The following APPL2 variants were observed in gnomAD, a reference collection of about 807,000 sequenced individuals.
APPL2 encodes DCC-interacting protein 13-beta.
Under a neutral mutation model 92.7 loss-of-function variants are expected in APPL2, and 84 were observed. The ratio of observed to expected loss-of-function variants is 0.91; its 90% CI spans 0.76 to 1.09. The LOEUF (loss-of-function observed/expected upper bound fraction) is 1.09. Ranked by LOEUF, APPL2 falls within the 50% of genes least tolerant of loss-of-function variation. The pLI is 0.00. For missense variants in APPL2, 736 were observed against 824.5 expected (o/e 0.89, Z 1.31); for synonymous variants, 291 against 291.0 (o/e 1.00, Z 0.00).
intron 10 of APPL2, among the ~76,000 whole-genome samples, chr12:105,199,143 A>G (rs1156571171): frequency 6.6e-6 from 1 of 152,164 alleles, no homozygotes; most frequent in Admixed American, 6.5e-5. Flanking sequence ...CAGAGTCCAC[A>G]GCACCAGGCT....
Position 105,174,183 on chromosome 12 carries a change from T to C in APPL2, c.*131A>G. On this transcript the variant is annotated 3_prime_UTR_variant, in exon 21 of 21. Transcript: ENST00000258530. The stretch of plus-strand genomic sequence containing the variant: ...CCTCCCAAGTCTCAGTATCAAGGCA[T>C]CAAGATTACATTCCACAAACGATTG... The C allele has an allele frequency of 3.5e-6, 4 of 1,157,440 alleles. No individual in the cohort carries two copies. The highest frequency in any genetic ancestry group is 4.8e-6 in the Non-Finnish European group (4 of 838,790). 71.7% of individuals were successfully genotyped at this position (1,157,440 alleles called of 1,614,324 possible). A position where few individuals can be genotyped will look rare whatever the true frequency, so the allele number is the denominator to read the frequency against.
At chr12:105,177,550 C>A (rs1368920807) in intron 17 of APPL2, 3 of 442,920 alleles carry the variant, frequency 6.8e-6, no homozygotes, top group Non-Finnish European at 4.1e-6. Flanking sequence ...TAATCCTCAA[C>A]AGATCTGCTA....
intron 20 of APPL2, among the ~76,000 whole-genome samples, chr12:105,175,186 CTT>C (rs1885404756): frequency 6.6e-6 from 1 of 152,148 alleles, no homozygotes; most frequent in African/African-American, 2.4e-5. Flanking sequence ...GCCTGGCCTG[CTT>C]TTGTCTTATG....
At position 105,186,667 on chromosome 12, in the gene APPL2, T is replaced by TATATATATCGATATCATTATATC. The variant is rs1566056379; in HGVS notation, c.1634+1605_1634+1606insGATATAATGATATCGATATATAT. Reference sequence around the variant, plus strand: ...TATGATATCGATATCATATATATCATATATATGATATATCATATATATATC... The same window carrying TATATATATCGATATCATTATATC: ...TATGATATCGATATCATATATATCATATATATATCGATATCATTATATCATATATGATATATCATATATATATC... On this transcript the variant is annotated intron_variant, in intron 17 of 20. Coordinates refer to ENST00000258530, the MANE Select transcript of APPL2 (RefSeq NM_018171.5). Among the ~76,000 whole-genome samples the TATATATATCGATATCATTATATC allele has an allele frequency of 3.0e-4, 10 of 33,148 alleles. 1 individual carries two copies. The highest frequency in any genetic ancestry group is 8.6e-4 in the Admixed American group (2 of 2,332). 21.7% of individuals were successfully genotyped at this position (33,148 alleles called of 152,430 possible).
chr12:105,228,329 C>T (rs1890676330), intron 2 of APPL2, among the ~76,000 whole-genome samples: 2 of 152,134 alleles, frequency 1.3e-5, no homozygotes, highest in African/African-American at 2.4e-5. Flanking sequence ...GTTTATGTGT[C>T]GTGTCAGCAC....
Position 105,235,876 on chromosome 12 carries a change from G to T in APPL2, c.54+83C>A, listed in dbSNP as rs867291691. 8.7e-6 allele frequency: 10 copies of T among 1,144,710 alleles called. No homozygotes were observed. In the African/African-American group the frequency reaches 1.6e-4, roughly 18 times the overall value. The allele number at this position is 1,144,710 out of a possible 1,614,324, so 70.9% of individuals were successfully genotyped here. A position where few individuals can be genotyped will look rare whatever the true frequency, so the allele number is the denominator to read the frequency against. On this transcript the variant is annotated intron_variant, in intron 1 of 20. Transcript: ENST00000258530. ...CGCACTCCCGCGGCTGCCCGGCCGGGGGCGCGGCCTCCACTCCGGGGCTGG... is the reference window on the plus strand; with the variant it reads ...CGCACTCCCGCGGCTGCCCGGCCGGTGGCGCGGCCTCCACTCCGGGGCTGG...
chr12:105,232,913 AGGCCTGATTTGGTTGGAGAG>A (rs1306113648), intron 1 of APPL2, among the ~76,000 whole-genome samples: 23 of 152,242 alleles, frequency 1.5e-4, no homozygotes, highest in Non-Finnish European at 1.5e-5. Context: ...GAGGAAAGAA[AGGCCTGATTTGGTTGGAGAG>A]GGCTGCTCCC....
At chr12:105,205,101 A>G (rs954711170) in intron 8 of APPL2, among the ~76,000 whole-genome samples, 1 of 152,206 alleles carries the variant, frequency 6.6e-6, no homozygotes. Context: ...TGCTATGTTC[A>G]TGGAAAAATC....
intron 17 of APPL2, among the ~76,000 whole-genome samples, chr12:105,187,179 A>C (rs1886810390): frequency 6.6e-6 from 1 of 152,226 alleles, no homozygotes; most frequent in South Asian, 2.1e-4. Context: ...TAGTGAAAGA[A>C]CAGGTTTTAT....
At chr12:105,189,891 T>C in intron 15 of APPL2, 67 bp from the exon 16 acceptor site, 1 of 1,611,488 alleles carries the variant, frequency 6.2e-7, no homozygotes, top group Non-Finnish European at 8.5e-7. Context: ...ACACTTGAAC[T>C]GGAAATCAGA....
At chr12:105,206,101 C>A (rs139814457) in intron 8 of APPL2, among the ~76,000 whole-genome samples, 46 of 152,310 alleles carry the variant, frequency 3.0e-4, no homozygotes, top group African/African-American at 9.9e-4. Context: ...ACTGTTCTGG[C>A]AGTGAGCTGC....
At chr12:105,177,202 CAT>C in intron 18 of APPL2, 22 bp downstream of exon 18, 1 of 1,613,244 alleles carries the variant, frequency 6.2e-7, no homozygotes, top group Non-Finnish European at 8.5e-7. Flanking sequence ...TAATCACTAA[CAT>C]GAACCTGTAT....
chr12:105,232,125 C>G (rs1890968522), intron 1 of APPL2, among the ~76,000 whole-genome samples: 1 of 152,194 alleles, frequency 6.6e-6, no homozygotes, highest in African/African-American at 2.4e-5. Context: ...TTCCTAACAA[C>G]TCAACTAAAT....
intron 1 of APPL2, among the ~76,000 whole-genome samples, chr12:105,234,212 T>C (rs1029947547): frequency 5.3e-5 from 8 of 152,244 alleles, no homozygotes; most frequent in African/African-American, 1.9e-4. Flanking sequence ...CTCTGCCACA[T>C]ACAAGTTCAA....
At chr12:105,221,112 A>G (rs940507742) in intron 2 of APPL2, among the ~76,000 whole-genome samples, 3 of 152,246 alleles carry the variant, frequency 2.0e-5, no homozygotes, top group African/African-American at 4.8e-5. Context: ...GCTACTGTAC[A>G]CAAAGGTTGT....
At chr12:105,177,412 G>T in intron 17 of APPL2, 150 bp from the exon 18 acceptor site, 1 of 753,016 alleles carries the variant, frequency 1.3e-6, no homozygotes, top group Non-Finnish European at 2.2e-6. Flanking sequence ...GTGTGACCAC[G>T]TGTCCTGCTT....
At chr12:105,188,142 G>C in intron 17 of APPL2, 131 bp downstream of exon 17, 1 of 1,014,854 alleles carries the variant, frequency 9.9e-7, no homozygotes, top group East Asian at 2.6e-5. Context: ...TCTATCTTAT[G>C]TAAAAAGTAG....
chr12:105,200,864 G>GTATGTATCTATC (rs757298388), intron 9 of APPL2, among the ~76,000 whole-genome samples: 441 of 135,036 alleles, frequency 3.3e-3, no homozygotes, highest in African/African-American at 3.9e-3. Context: ...ATGTATGTAT[G>GTATGTATCTATC]TATCTATCTA....
chr12:105,203,243 A>G (rs1888382815), intron 9 of APPL2, among the ~76,000 whole-genome samples: 1 of 152,220 alleles, frequency 6.6e-6, no homozygotes, highest in Admixed American at 6.5e-5. Flanking sequence ...CAGTTACTCA[A>G]CTACTGAAGA....
Sources: allele counts gnomAD v4.1 joint callset (sites outside exome capture counted in the v4.1 genomes callset), GRCh38; gene constraint gnomAD v4.1.1; transcripts MANE v1.5; gene names NCBI Gene and HGNC (gene_info 2026-07-23, HGNC 2026-07-21).